SEC24D: variants seen among roughly 807,000 people sequenced by gnomAD.
SEC24D encodes protein transport protein Sec24D.
A neutral mutation model predicts 116.9 loss-of-function variants in SEC24D; 69 were observed. That is an observed-to-expected ratio of 0.59 (90% CI 0.49 to 0.72). SEC24D has a LOEUF of 0.72. SEC24D is among the 30% of genes least tolerant of loss of function. SEC24D has a pLI of 0.00. For synonymous variants in SEC24D, 405 were observed against 442.8 expected (o/e 0.91, Z 1.07); for missense variants, 1,131 against 1,264.1 (o/e 0.89, Z 1.60).
At chr4:118,801,659 A>G (rs908967010) in intron 7 of SEC24D, among the ~76,000 whole-genome samples, 9 of 152,240 alleles carry the variant, frequency 5.9e-5, no homozygotes, top group Admixed American at 4.6e-4. Context: ...AAAATTACCA[A>G]TAAAATATTG....
At position 118,723,249 on chromosome 4, in the gene SEC24D, G is replaced by A; in HGVS notation, c.*266C>T. 1 of 302,792 alleles carries A rather than the reference G, an allele frequency of 3.3e-6. No homozygotes were observed. The highest frequency in any genetic ancestry group is 6.0e-6 in the Non-Finnish European group (1 of 165,730). 18.8% of individuals were successfully genotyped at this position (302,792 alleles called of 1,614,324 possible). A position where few individuals can be genotyped will look rare whatever the true frequency, so the allele number is the denominator to read the frequency against. On this transcript the variant is annotated 3_prime_UTR_variant, in exon 23 of 23. Coordinates refer to ENST00000280551, the MANE Select transcript of SEC24D (RefSeq NM_014822.4). ...GAATGTTTATGGTTCTGTAAACTTTGCCTTTTATGAAATGCAAACCACATC... is the reference window on the plus strand; with the variant it reads ...GAATGTTTATGGTTCTGTAAACTTTACCTTTTATGAAATGCAAACCACATC...
chr4:118,820,641 C>A (rs1353323513), intron 3 of SEC24D, among the ~76,000 whole-genome samples: 1 of 148,928 alleles, frequency 6.7e-6, no homozygotes, highest in Non-Finnish European at 1.5e-5. Flanking sequence ...TGAAAAAGAG[C>A]ATGTGAAATG....
intron 6 of SEC24D, among the ~76,000 whole-genome samples, chr4:118,813,313 G>A (rs1729995349): frequency 6.6e-6 from 1 of 152,148 alleles, no homozygotes; most frequent in African/African-American, 2.4e-5. Context: ...AGCCTTCAGG[G>A]GCAGCACAGC....
At chr4:118,743,011 T>A (rs1052926351) in intron 15 of SEC24D, among the ~76,000 whole-genome samples, 5 of 152,108 alleles carry the variant, frequency 3.3e-5, no homozygotes, top group East Asian at 1.9e-4. Flanking sequence ...CCGGGGCGCA[T>A]AAGTTTGTGA....
chr4:118,727,068 G>A (rs1725453252), intron 22 of SEC24D, among the ~76,000 whole-genome samples: 1 of 152,200 alleles, frequency 6.6e-6, no homozygotes, highest in South Asian at 2.1e-4. Context: ...TGATCCAGTT[G>A]TGAGACCCGG....
chr4:118,793,454 G>A (rs1489522230), intron 8 of SEC24D, among the ~76,000 whole-genome samples: 32 of 123,694 alleles, frequency 2.6e-4, no homozygotes, highest in African/African-American at 9.1e-4. Flanking sequence ...GCGACAGAGC[G>A]AGACTCCGTC....
intron 10 of SEC24D, 138 bp downstream of exon 10, chr4:118,764,664 G>A (rs887768558): frequency 1.1e-5 from 6 of 556,180 alleles, no homozygotes; most frequent in Non-Finnish European, 1.9e-5. Flanking sequence ...TGGGATCTGT[G>A]TCTTAGGCAT....
intron 8 of SEC24D, among the ~76,000 whole-genome samples, chr4:118,773,676 G>A (rs1347170739): frequency 6.6e-6 from 1 of 152,230 alleles, no homozygotes. Flanking sequence ...GCTGGAAGAT[G>A]AGCAGTCAGT....
chr4:118,831,917 A>C (rs1260168186), intron 2 of SEC24D, among the ~76,000 whole-genome samples: 2 of 152,116 alleles, frequency 1.3e-5, no homozygotes, highest in African/African-American at 4.8e-5. Context: ...AAAGCAACCC[A>C]AAAAAATGGG....
intron 17 of SEC24D, 134 bp from the exon 18 acceptor site, chr4:118,739,421 T>C: frequency 3.9e-6 from 3 of 760,440 alleles, no homozygotes; most frequent in Non-Finnish European, 6.1e-6. Flanking sequence ...CACAGTTTTT[T>C]TTCTATTATT....
chr4:118,778,229 T>A (rs1240742985), intron 8 of SEC24D, among the ~76,000 whole-genome samples: 1 of 152,250 alleles, frequency 6.6e-6, no homozygotes, highest in African/African-American at 2.4e-5. Context: ...CTAGGGTTTT[T>A]ATGGTTTTAG....
At chr4:118,731,165 A>T in intron 21 of SEC24D, 151 bp downstream of exon 21, 1 of 670,382 alleles carries the variant, frequency 1.5e-6, no homozygotes, top group South Asian at 1.9e-5. Context: ...CAGCTAATTG[A>T]TATTGATCAA....
chr4:118,731,579 T>G, intron 20 of SEC24D, 72 bp from the exon 21 acceptor site: 1 of 1,298,778 alleles, frequency 7.7e-7, no homozygotes, highest in Non-Finnish European at 1.1e-6. Context: ...TCTTTTCCTT[T>G]CCTTTTTCCT....
At chr4:118,724,547 G>C (rs1365378616) in intron 22 of SEC24D, among the ~76,000 whole-genome samples, 2 of 151,866 alleles carry the variant, frequency 1.3e-5, no homozygotes, top group Non-Finnish European at 2.9e-5. Context: ...AGATATACTG[G>C]GTTAAATTAA....
rs1730194813 is a variant in SEC24D, at chr4:118,817,358, T to C, written c.303A>G (p.Gln101=). 2.5e-6 allele frequency: 4 copies of C among 1,613,526 alleles called. No individual in the cohort carries two copies. The highest frequency in any genetic ancestry group is 3.4e-6 in the Non-Finnish European group (4 of 1,179,786). ...NNVASSHAPY[Q]PSAQSSYPGP... is the part of the protein sequence containing the mutation. ...CTGGATAAGAAGATTGTGCAGAGGG[T>C]TGGTATGGTGCATGTGAGGATGCCA... Residue 101 remains glutamine, a synonymous_variant, in exon 4 of 23, where the codon CAA becomes CAG. Coordinates refer to ENST00000280551, the MANE Select transcript of SEC24D (RefSeq NM_014822.4).
chr4:118,835,249 C>T (rs114581578), intron 1 of SEC24D, among the ~76,000 whole-genome samples: 6,653 of 152,218 alleles, frequency 0.044, 201 homozygotes, highest in Non-Finnish European at 0.064. Flanking sequence ...AGGAAGCAGC[C>T]AGTTCCCTCT....
At chr4:118,815,838 C>G in intron 4 of SEC24D, 112 bp from the exon 5 acceptor site, 1 of 1,153,368 alleles carries the variant, frequency 8.7e-7, no homozygotes. Flanking sequence ...AAGAGGACAC[C>G]CTTAGAAACA....
chr4:118,742,382 GA>G (rs530114808), intron 15 of SEC24D, among the ~76,000 whole-genome samples: 26 of 151,230 alleles, frequency 1.7e-4, no homozygotes, highest in Non-Finnish European at 2.7e-4. Flanking sequence ...GTGGGGGGGG[GA>G]AAGCTTCTGA....
chr4:118,784,760 T>C (rs7662650), intron 8 of SEC24D, among the ~76,000 whole-genome samples: 42,453 of 117,982 alleles, frequency 0.36, 6,901 homozygotes, highest in Non-Finnish European at 0.41. Flanking sequence ...CGCCACCAAA[T>C]ACACACAAAC....
Sources: allele counts gnomAD v4.1 joint callset (sites outside exome capture counted in the v4.1 genomes callset), GRCh38; gene constraint gnomAD v4.1.1; transcripts MANE v1.5; gene names NCBI Gene and HGNC (gene_info 2026-07-23, HGNC 2026-07-21).